The following OSBPL3 variants were observed in gnomAD, a reference collection of about 807,000 sequenced individuals.
OSBPL3 encodes the protein oxysterol-binding protein-related protein 3.
A neutral mutation model predicts 120.1 loss-of-function variants in OSBPL3; 65 were observed. The observed-to-expected ratio is 0.54, with a 90% confidence interval of 0.44 to 0.67. OSBPL3 has a LOEUF of 0.67. OSBPL3 is among the 30% of genes least tolerant of loss of function. The pLI is 0.00. For missense variants in OSBPL3, 1,004 were observed against 1,082.1 expected (o/e 0.93, Z 1.01); for synonymous variants, 416 against 402.6 (o/e 1.03, Z -0.40).
chr7:24,976,542 C>CA (rs11286274), intron 1 of OSBPL3, among the ~76,000 whole-genome samples: 17 of 149,080 alleles, frequency 1.1e-4, no homozygotes, highest in African/African-American at 2.0e-4. Context: ...ATTGGAAAGT[C>CA]AAAAAAAAAA....
At position 24,865,456 on chromosome 7, in the gene OSBPL3, T is replaced by A; in HGVS notation, c.559A>T (p.Ile187Leu). 6.2e-7 allele frequency: 1 copy of A among 1,613,838 alleles called. No individual in the cohort carries two copies. The highest frequency in any genetic ancestry group is 8.5e-7 in the Non-Finnish European group (1 of 1,179,770). The stretch of plus-strand genomic sequence containing the variant: ...GTTTGAAATAAATTCTGCTTTGATA[T>A]ACTGCTACGCTGTTCCACGGATGAC... ...DSISSRKRSS[I>L]SKQNLFQTGS... The change falls in exon 7 of 23, where the codon ATA becomes TTA. Residue 187 changes from isoleucine (I) to leucine (L), a missense_variant. Coordinates refer to ENST00000313367, the MANE Select transcript of OSBPL3 (RefSeq NM_015550.4).
At chr7:24,956,079 G>A (rs17150629) in intron 1 of OSBPL3, among the ~76,000 whole-genome samples, 3,997 of 152,306 alleles carry the variant, frequency 0.026, 152 homozygotes, top group African/African-American at 0.085. Context: ...CAGTCTCCAC[G>A]GAAAATACTC....
chr7:24,849,131 G>A lies in OSBPL3; in HGVS notation c.1204C>T (p.His402Tyr), dbSNP rs866569124. 1.2e-6 allele frequency: 2 copies of A among 1,614,068 alleles called. No individual in the cohort carries two copies. The highest frequency in any genetic ancestry group is 1.7e-6 in the Non-Finnish European group (2 of 1,179,952). The change falls in exon 12 of 23, where the codon CAT (histidine) becomes TAT (tyrosine). Residue 402 changes from histidine (H) to tyrosine (Y), a missense_variant. Around this residue, in one of 4 missense-constraint regions of OSBPL3, gnomAD observed 272 missense variants for 248.8 expected, o/e 1.09. Coordinates refer to ENST00000313367, the MANE Select transcript of OSBPL3 (RefSeq NM_015550.4). This position sits in a 1 kb window ranked among gnomAD's most constrained non-coding sequence, Gnocchi z 5.4. ...GAGTCGAGGAGCAGAGACTCGGCAT[G>A]GATTCTGCGTAAGCGTTCTTTAAGA... ...TDLKERLRRI[H>Y]AESLLLDSPA...
rs71675250 is a variant in OSBPL3 at position 24,839,991 on chromosome 7, C to CAAAA, written c.1495+695_1495+698dup. 7.4e-3 allele frequency among the ~76,000 whole-genome samples: 393 copies of CAAAA among 53,268 alleles called. 22 individuals carry two copies. Among genetic ancestry groups the CAAAA allele is most frequent in the African/African-American group, 0.024 (303 of 12,710 alleles). 34.9% of individuals were successfully genotyped at this position (53,268 alleles called of 152,430 possible). On this transcript the variant is annotated intron_variant, in intron 14 of 22. Transcript: ENST00000313367. ...GGGGACAGAAAGAGACTCCATCTCA[C>CAAAA]AAAAAAAAAAAAAAAAAAAAAAAAA...
chr7:24,823,070 T>C (rs1267228511), intron 16 of OSBPL3, among the ~76,000 whole-genome samples: 2 of 152,210 alleles, frequency 1.3e-5, no homozygotes, highest in African/African-American at 4.8e-5. Flanking sequence ...CTGGAGCATC[T>C]GCCATGTGCT....
Position 24,936,323 on chromosome 7 carries a change from C to T in OSBPL3, c.-150+43563G>A, listed in dbSNP as rs922564382. On this transcript the variant is annotated intron_variant, in intron 1 of 22. Coordinates refer to ENST00000313367, the MANE Select transcript of OSBPL3 (RefSeq NM_015550.4). This position sits in a 1 kb window ranked among gnomAD's most constrained non-coding sequence, Gnocchi z 4.2. ...CTCTCACAATCCACAAACATGAATACGTTCTTTCAATATAACCTTTAATGA... is the reference window on the plus strand; with the variant it reads ...CTCTCACAATCCACAAACATGAATATGTTCTTTCAATATAACCTTTAATGA... 2.6e-5 allele frequency among the ~76,000 whole-genome samples: 4 copies of T among 152,154 alleles called. No homozygotes were observed. The highest frequency in any genetic ancestry group is 2.0e-4 in the Admixed American group (3 of 15,272).
At chr7:24,848,921 AC>A in intron 12 of OSBPL3, 147 bp downstream of exon 12, 1 of 602,282 alleles carries the variant, frequency 1.7e-6, no homozygotes, top group Non-Finnish European at 3.0e-6. Flanking sequence ...CCAGTCCATG[AC>A]CTAGCTGTGG....
Position 24,834,594 on chromosome 7 carries a change from C to T in OSBPL3, c.1638G>A (p.Pro546=), listed in dbSNP as rs781172599. Residue 546 remains proline (P), a synonymous_variant, in exon 15 of 23, where the codon CCG becomes CCA. Coordinates refer to ENST00000313367, the MANE Select transcript of OSBPL3 (RefSeq NM_015550.4). The surrounding 1 kb of genome is among the most constrained non-coding windows in gnomAD (Gnocchi z 5.2). ...IGKDLSKVAM[P]VELNEPLNTL... is the part of the protein sequence containing the mutation. Reference sequence around the variant, plus strand: ...TGTTCAGGGGCTCGTTCAGCTCCACCGGCATGGCCACCTTGGACAGGTCCT... The same window carrying T: ...TGTTCAGGGGCTCGTTCAGCTCCACTGGCATGGCCACCTTGGACAGGTCCT... 4.5e-5 allele frequency: 73 copies of T among 1,614,214 alleles called. No homozygotes were observed. The highest frequency in any genetic ancestry group is 6.7e-5 in the East Asian group (3 of 44,878).
intron 1 of OSBPL3, among the ~76,000 whole-genome samples, chr7:24,974,207 C>A (rs929607537): frequency 1.3e-5 from 2 of 152,188 alleles, no homozygotes; most frequent in African/African-American, 4.8e-5. Context: ...AATTCATCAC[C>A]CAGTTTCAAC....
chr7:24,956,449 T>G (rs558593070), intron 1 of OSBPL3, among the ~76,000 whole-genome samples: 8 of 152,388 alleles, frequency 5.2e-5, no homozygotes, highest in African/African-American at 1.9e-4. Flanking sequence ...ATGTCCCACC[T>G]GCCCATTCCA....
intron 1 of OSBPL3, among the ~76,000 whole-genome samples, chr7:24,971,764 G>A (rs954040157): frequency 6.6e-5 from 6 of 91,096 alleles, no homozygotes; most frequent in South Asian, 2.9e-4. Context: ...ACGAGGTAGC[G>A]TAAGTAAAGC....
chr7:24,821,831 G>A lies in OSBPL3; in HGVS notation c.1885-1593C>T, dbSNP rs1285689839. On this transcript the variant is annotated intron_variant, in intron 16 of 22. Transcript: ENST00000313367. The surrounding 1 kb of genome is among the most constrained non-coding windows in gnomAD (Gnocchi z 5.5). ...AACTTTCACTTCAAGCACTGACTTA[G>A]AAACCTAATCCCATAATGTAACTCT... Among the ~76,000 whole-genome samples the A allele has an allele frequency of 1.3e-5, 2 of 152,196 alleles. No individual in the cohort carries two copies. The highest frequency in any genetic ancestry group is 1.9e-4 in the East Asian group (1 of 5,192).
In OSBPL3 at chr7:24,804,278, C is replaced by G. The variant is rs758323608; in HGVS notation, c.2567+37G>C. 1.9e-6 allele frequency: 3 copies of G among 1,613,478 alleles called. No individual in the cohort carries two copies. Among genetic ancestry groups the G allele is most frequent in the Non-Finnish European group, 2.5e-6 (3 of 1,179,506 alleles). ...CCAGAAGCATAACGTGCTGGCACCA[C>G]CTATCAACCAAAAACCTACTCAATC... On this transcript the variant is annotated intron_variant, in intron 22 of 22. Transcript: ENST00000313367. The surrounding 1 kb of genome is among the most constrained non-coding windows in gnomAD (Gnocchi z 5.4).
intron 15 of OSBPL3, among the ~76,000 whole-genome samples, chr7:24,832,031 C>A (rs1024741286): frequency 9.2e-5 from 14 of 151,868 alleles, no homozygotes; most frequent in Admixed American, 7.9e-4. Flanking sequence ...GGCGAAACCT[C>A]TTCTCTACAA....
Position 24,955,071 on chromosome 7 carries a change from G to A in OSBPL3, c.-150+24815C>T, listed in dbSNP as rs148412566. On this transcript the variant is annotated intron_variant, in intron 1 of 22. Coordinates refer to ENST00000313367, the MANE Select transcript of OSBPL3 (RefSeq NM_015550.4). The surrounding 1 kb of genome is among the most constrained non-coding windows in gnomAD (Gnocchi z 4.3). ...TCTGACCATTTGTCAACTCTGCCAC[G>A]GAGTTAGCCTTATCTCAAGTTTCAT... Among the ~76,000 whole-genome samples, 3 of 152,242 alleles carry A rather than the reference G, an allele frequency of 2.0e-5. No homozygotes were observed. The highest frequency in any genetic ancestry group is 4.8e-5 in the African/African-American group (2 of 41,544).
Position 24,913,466 on chromosome 7 carries a change from G to C in OSBPL3, c.-149-20845C>G, listed in dbSNP as rs1361596907. 6.6e-6 allele frequency among the ~76,000 whole-genome samples: 1 copy of C among 152,078 alleles called. No homozygotes were observed. Among genetic ancestry groups the C allele is most frequent in the African/African-American group, 2.4e-5 (1 of 41,416 alleles). ...GGTCAGACTCAGAAGGGGGCTCCTTGACCAACAAACCCTGACTCCCTTATA... is the reference window on the plus strand; with the variant it reads ...GGTCAGACTCAGAAGGGGGCTCCTTCACCAACAAACCCTGACTCCCTTATA... On this transcript the variant is annotated intron_variant, in intron 1 of 22. Transcript: ENST00000313367. This position sits in a 1 kb window ranked among gnomAD's most constrained non-coding sequence, Gnocchi z 5.3.
intron 1 of OSBPL3, among the ~76,000 whole-genome samples, chr7:24,920,767 T>C (rs1310351930): frequency 6.6e-6 from 1 of 152,122 alleles, no homozygotes; most frequent in Non-Finnish European, 1.5e-5. Context: ...TGATTTCGGA[T>C]CAGCCTATAT....
rs73076274 is a variant in OSBPL3 at position 24,943,584 on chromosome 7, G to A, written c.-150+36302C>T. Among the ~76,000 whole-genome samples the A allele has an allele frequency of 3.3e-3, 508 of 152,244 alleles. 1 individual carries two copies. The highest frequency in any genetic ancestry group is 0.013 in the South Asian group (62 of 4,826). ...AGAAGAGTTCCGTTAAACTAGATAA[G>A]ATCAGAGTTAACACTATAACTCTGT... On this transcript the variant is annotated intron_variant, in intron 1 of 22. Transcript: ENST00000313367.
chr7:24,801,236 T>G (rs1229437340), intron 22 of OSBPL3, among the ~76,000 whole-genome samples: 2 of 89,686 alleles, frequency 2.2e-5, no homozygotes, highest in African/African-American at 1.1e-4. Context: ...AGAGCAAGAC[T>G]CCTTCTCAAA....
Sources: gnomAD v4.1 joint callset for allele counts (sites outside exome capture counted in the v4.1 genomes callset) on GRCh38, gnomAD v4.1.1 for gene constraint, gnomAD v4.1.1 regional missense constraint, Gnocchi (gnomAD v3.1) non-coding constraint, MANE v1.5 for transcripts, NCBI Gene and HGNC (gene_info 2026-07-23, HGNC 2026-07-21) for gene names.